Variants in TRIM2 observed in about 807,000 individuals in gnomAD.
The protein encoded by TRIM2 is tripartite motif containing 2, also known as tripartite motif-containing protein 2.
TRIM2 carries 20 observed loss-of-function variants against 75.2 expected under a neutral mutation model. The ratio of observed to expected loss-of-function variants is 0.27; its 90% confidence interval spans 0.19 to 0.39. TRIM2 has a LOEUF of 0.39. Ranked by LOEUF, TRIM2 falls within the 10% of genes least tolerant of loss-of-function variation. The probability of loss-of-function intolerance (pLI) is 1.00; values close to 1 mark genes in which losing one functional copy is unlikely to be tolerated. For missense variants in TRIM2, 660 were observed against 990.8 expected (o/e 0.67, Z 4.48); for synonymous variants, 373 against 388.3 (o/e 0.96, Z 0.46).
At chr4:153,195,035 T>C (rs746210375) in intron 1 of TRIM2, among the ~76,000 whole-genome samples, 2 of 152,186 alleles carry the variant, frequency 1.3e-5, no homozygotes, top group Non-Finnish European at 2.9e-5. Flanking sequence ...AGACCTTATT[T>C]AGCATAAGAG....
chr4:153,327,657 C>T (rs1476209391), intron 10 of TRIM2, among the ~76,000 whole-genome samples: 1 of 152,104 alleles, frequency 6.6e-6, no homozygotes, highest in African/African-American at 2.4e-5. Context: ...TAAACATTAA[C>T]ATTTACTTTT....
intron 6 of TRIM2, among the ~76,000 whole-genome samples, chr4:153,301,323 C>G (rs1404742835): frequency 6.6e-6 from 1 of 152,122 alleles, no homozygotes; most frequent in Non-Finnish European, 1.5e-5. Flanking sequence ...CACACCACAC[C>G]CAGCCAACCT....
chr4:153,244,427 TTC>T (rs372890318), intron 1 of TRIM2, among the ~76,000 whole-genome samples: 11 of 101,626 alleles, frequency 1.1e-4, no homozygotes, highest in Admixed American at 3.2e-4. Context: ...CTTCTTCTTC[TTC>T]TTCTTCTTTT....
At chr4:153,199,849 T>A (rs1270762946), upstream of TRIM2, among the ~76,000 whole-genome samples, 2 of 152,006 alleles carry the variant, frequency 1.3e-5, no homozygotes, top group Non-Finnish European at 2.9e-5. Flanking sequence ...TCATAGGTCA[T>A]TGAAGCCTAA....
chr4:153,213,457 G>A lies in TRIM2; in HGVS notation c.30+8897G>A, dbSNP rs560070126. Among the ~76,000 whole-genome samples the A allele has an allele frequency of 2.6e-5, 4 of 152,220 alleles. No individual in the cohort carries two copies. In the East Asian group the frequency reaches 7.7e-4, roughly 29 times the overall value. On this transcript the variant is annotated intron_variant, in intron 1 of 11. Coordinates refer to ENST00000338700, the MANE Select transcript of TRIM2 (RefSeq NM_015271.5). Reference sequence around the variant, plus strand: ...TTTGTCGAATCGCTAACAAAGTGATGGGCTCTGTTTCAAGTTCTTTATGCA... The same window carrying A: ...TTTGTCGAATCGCTAACAAAGTGATAGGCTCTGTTTCAAGTTCTTTATGCA...
At chr4:153,180,972 C>G (rs576535698) in intron 1 of TRIM2, among the ~76,000 whole-genome samples, 59 of 152,304 alleles carry the variant, frequency 3.9e-4, no homozygotes, top group Non-Finnish European at 6.5e-4. Flanking sequence ...ATACACTTGT[C>G]CCAAGTGTCA....
chr4:153,300,406 A>T (rs1579479754), intron 6 of TRIM2, among the ~76,000 whole-genome samples: 1 of 152,074 alleles, frequency 6.6e-6, no homozygotes, highest in African/African-American at 2.4e-5. Context: ...CAGCCTCTCA[A>T]GTAGCTGGGA....
At chr4:153,312,580 G>C (rs893348743) in intron 6 of TRIM2, among the ~76,000 whole-genome samples, 1 of 152,104 alleles carries the variant, frequency 6.6e-6, no homozygotes, top group African/African-American at 2.4e-5. Context: ...AGGATGTGGA[G>C]AAATAGGAAT....
chr4:153,225,327 G>A (rs529698156), intron 1 of TRIM2, among the ~76,000 whole-genome samples: 2 of 152,270 alleles, frequency 1.3e-5, no homozygotes, highest in South Asian at 4.1e-4. Flanking sequence ...TGCTTTTGAT[G>A]CTGCTACTAA....
At chr4:153,333,017 A>C (rs916587080) in intron 11 of TRIM2, among the ~76,000 whole-genome samples, 1 of 152,186 alleles carries the variant, frequency 6.6e-6, no homozygotes, top group Non-Finnish European at 1.5e-5. Context: ...AAACCTGTAC[A>C]TTGTTGTTCA....
chr4:153,334,798 T>C lies in TRIM2; in HGVS notation c.2164-16T>C, dbSNP rs964354274. 1 of 1,601,948 alleles carries C rather than the reference T, an allele frequency of 6.2e-7. No homozygotes were observed. Among genetic ancestry groups the C allele is most frequent in the Non-Finnish European group, 8.5e-7 (1 of 1,170,716 alleles). ...TAACTTCTCCTATAACATTCTGACT[T>C]CCTATTTGTTTACAGGTTTTTGATG... On this transcript the variant is annotated splice_polypyrimidine_tract_variant and intron_variant, in intron 11 of 11. Coordinates refer to ENST00000338700, the MANE Select transcript of TRIM2 (RefSeq NM_015271.5).
Position 153,314,419 on chromosome 4 carries a change from CAAAAAA to C in TRIM2, c.1511-1047_1511-1042del, listed in dbSNP as rs58410286. ...TGGGCGACAGAGCGAGACTCCGTCT[CAAAAAA>C]AAAAAAAAAAAAAAAAAAGAGAGTC... On this transcript the variant is annotated intron_variant, in intron 6 of 11. Coordinates refer to ENST00000338700, the MANE Select transcript of TRIM2 (RefSeq NM_015271.5). 6.8e-5 allele frequency among the ~76,000 whole-genome samples: 4 copies of C among 58,880 alleles called. No individual in the cohort carries two copies. In the East Asian group the frequency reaches 2.2e-3, roughly 33 times the overall value. 38.6% of individuals were successfully genotyped at this position (58,880 alleles called of 152,430 possible).
At chr4:153,162,357 A>G (rs901908174) in intron 1 of TRIM2, among the ~76,000 whole-genome samples, 1 of 152,196 alleles carries the variant, frequency 6.6e-6, no homozygotes, top group Non-Finnish European at 1.5e-5. Flanking sequence ...GCAGCATGCT[A>G]GAGACCCAAG....
chr4:153,232,967 G>C (rs1332977873), intron 1 of TRIM2, among the ~76,000 whole-genome samples: 2 of 152,116 alleles, frequency 1.3e-5, no homozygotes, highest in African/African-American at 4.8e-5. Flanking sequence ...GCTGTCCCCT[G>C]GGCCACTGGA....
chr4:153,197,923 C>T (rs1161214273), intron 1 of TRIM2, among the ~76,000 whole-genome samples: 1 of 152,104 alleles, frequency 6.6e-6, no homozygotes, highest in Admixed American at 6.6e-5. Context: ...TTTGCCCCTT[C>T]TACCTTGTGA....
chr4:153,269,388 G>A (rs7689143), intron 1 of TRIM2, among the ~76,000 whole-genome samples: 32,218 of 152,082 alleles, frequency 0.21, 3,815 homozygotes, highest in African/African-American at 0.32. Flanking sequence ...GTGTTTAAGA[G>A]ACTTCTCTTC....
chr4:153,290,762 G>A (rs1761684825), intron 3 of TRIM2, among the ~76,000 whole-genome samples: 2 of 152,142 alleles, frequency 1.3e-5, no homozygotes, highest in Non-Finnish European at 2.9e-5. Context: ...AAGTAGCTGG[G>A]ACTACAGGCA....
At chr4:153,289,252 T>C (rs748615582) in intron 3 of TRIM2, among the ~76,000 whole-genome samples, 7 of 152,180 alleles carry the variant, frequency 4.6e-5, no homozygotes, top group Admixed American at 6.5e-5. Context: ...TTTTTGCTGT[T>C]GTTGTTTGGT....
At chr4:153,232,351 T>C (rs1743875965) in intron 1 of TRIM2, among the ~76,000 whole-genome samples, 1 of 152,006 alleles carries the variant, frequency 6.6e-6, no homozygotes, top group Admixed American at 6.6e-5. Flanking sequence ...ATACAAAAAT[T>C]AGCTGGTCGT....
Sources: allele counts gnomAD v4.1 joint callset (sites outside exome capture counted in the v4.1 genomes callset), GRCh38; gene constraint gnomAD v4.1.1; transcripts MANE v1.5; gene names NCBI Gene and HGNC (gene_info 2026-07-23, HGNC 2026-07-21).